POFUT3: variants seen among roughly 807,000 people sequenced by gnomAD.
POFUT3 encodes GDP-fucose protein O-fucosyltransferase 3.
chr8:33,465,192 C>T, the POFUT3 span, among the ~76,000 whole-genome samples: 3 of 152,056 alleles, frequency 2.0e-5, no homozygotes, highest in South Asian at 6.2e-4. Context: ...TTATCATTAA[C>T]GTAACCCAGA....
At chr8:33,344,300 C>T in the POFUT3 span, among the ~76,000 whole-genome samples, 27 of 152,190 alleles carry the variant, frequency 1.8e-4, no homozygotes, top group Non-Finnish European at 2.9e-4. Context: ...AAGCTGTGCT[C>T]AGAGATGTGA....
At chr8:33,325,835 T>G in the POFUT3 span, among the ~76,000 whole-genome samples, 1 of 152,172 alleles carries the variant, frequency 6.6e-6, no homozygotes, top group Non-Finnish European at 1.5e-5. Flanking sequence ...GAATGGTATT[T>G]CCAGGAAGAG....
At chr8:33,457,546 G>T in the POFUT3 span, among the ~76,000 whole-genome samples, 1 of 151,786 alleles carries the variant, frequency 6.6e-6, no homozygotes, top group Non-Finnish European at 1.5e-5. Context: ...GAGACAACTG[G>T]GAAAAATTTA....
At chr8:33,358,672 G>C in the POFUT3 span, among the ~76,000 whole-genome samples, 2 of 152,116 alleles carry the variant, frequency 1.3e-5, no homozygotes, top group African/African-American at 2.4e-5. Context: ...TAAGTCATGA[G>C]GATGGAGCTC....
chr8:33,409,198 A>G, the POFUT3 span, among the ~76,000 whole-genome samples: 1 of 152,026 alleles, frequency 6.6e-6, no homozygotes, highest in African/African-American at 2.4e-5. Context: ...TGACTCCCGG[A>G]TTCAAGCAAT....
At chr8:33,330,461 CA>C in the POFUT3 span, among the ~76,000 whole-genome samples, 4 of 151,790 alleles carry the variant, frequency 2.6e-5, no homozygotes, top group African/African-American at 9.7e-5. Flanking sequence ...AAACAACAAA[CA>C]AAAAAAATTT....
At chr8:33,447,594 C>G in the POFUT3 span, among the ~76,000 whole-genome samples, 1 of 152,094 alleles carries the variant, frequency 6.6e-6, no homozygotes, top group Non-Finnish European at 1.5e-5. Flanking sequence ...ACACAGTATT[C>G]GCATATTTCA....
the POFUT3 span, among the ~76,000 whole-genome samples, chr8:33,415,135 G>A: frequency 2.0e-5 from 3 of 152,028 alleles, no homozygotes; most frequent in Non-Finnish European, 4.4e-5. Flanking sequence ...GGTGGCATGT[G>A]CCTGTAGGCC....
At chr8:33,412,184 G>T in the POFUT3 span, among the ~76,000 whole-genome samples, 2 of 152,042 alleles carry the variant, frequency 1.3e-5, no homozygotes, top group South Asian at 4.1e-4. Context: ...TAAAACCCAC[G>T]GGCTTTGAAA....
chr8:33,421,080 AT>A, the POFUT3 span, among the ~76,000 whole-genome samples: 1 of 152,022 alleles, frequency 6.6e-6, no homozygotes, highest in South Asian at 2.1e-4. Context: ...TGTTAATACT[AT>A]TTAATTTTTA....
At chr8:33,309,157 A>T in the POFUT3 span, among the ~76,000 whole-genome samples, 1,040 of 48,706 alleles carry the variant, frequency 0.021, 14 homozygotes, top group East Asian at 0.091. Context: ...AAAAAAAAAA[A>T]AAAAAAAAAA....
the POFUT3 span, chr8:33,436,135 G>A: frequency 8.2e-7 from 1 of 1,213,232 alleles, no homozygotes; most frequent in Non-Finnish European, 1.1e-6. Flanking sequence ...GAAAGGAAGA[G>A]AAGGTCTCAA....
the POFUT3 span, among the ~76,000 whole-genome samples, chr8:33,381,788 CT>C: frequency 6.6e-6 from 1 of 152,152 alleles, no homozygotes; most frequent in Non-Finnish European, 1.5e-5. Context: ...TTGGAAGACT[CT>C]TGTAGAAGCT....
At chr8:33,371,174 T>C in the POFUT3 span, 1 of 152,212 alleles carries the variant, frequency 6.6e-6, no homozygotes, top group Non-Finnish European at 1.5e-5. Flanking sequence ...GGTTAAGAGA[T>C]ATGTCCAAGA....
the POFUT3 span, among the ~76,000 whole-genome samples, chr8:33,368,770 C>T: frequency 2.0e-5 from 3 of 152,300 alleles, no homozygotes; most frequent in South Asian, 6.2e-4. Flanking sequence ...AATCAGTGTA[C>T]TGCATTTATG....
chr8:33,452,365 A>G, the POFUT3 span: 3 of 152,082 alleles, frequency 2.0e-5, no homozygotes, highest in Admixed American at 2.0e-4. Flanking sequence ...TCTATATTAC[A>G]CTTATTTAAT....
chr8:33,362,992 T>G, the POFUT3 span, among the ~76,000 whole-genome samples: 3 of 152,146 alleles, frequency 2.0e-5, no homozygotes, highest in African/African-American at 7.2e-5. Context: ...CACATCATGC[T>G]TATTCTAAAA....
the POFUT3 span, among the ~76,000 whole-genome samples, chr8:33,457,128 A>G: frequency 2.3e-4 from 35 of 152,162 alleles, no homozygotes; most frequent in African/African-American, 7.9e-4. Context: ...ACCAAATGCA[A>G]TGTATAGGTT....
At chr8:33,363,288 A>G in the POFUT3 span, among the ~76,000 whole-genome samples, 1 of 152,236 alleles carries the variant, frequency 6.6e-6, no homozygotes, top group South Asian at 2.1e-4. Flanking sequence ...AGGGAAATTT[A>G]TATCACTAAA....
Sources: gnomAD v4.1 joint callset for allele counts (sites outside exome capture counted in the v4.1 genomes callset) on GRCh38, gnomAD v4.1.1 for gene constraint, MANE v1.5 for transcripts, NCBI Gene and HGNC (gene_info 2026-07-23, HGNC 2026-07-21) for gene names.